The following CAMTA1 variants were observed in gnomAD, a reference collection of about 807,000 sequenced individuals.
The protein encoded by CAMTA1 is calmodulin binding transcription activator 1.
CAMTA1 carries 27 observed loss-of-function variants against 170.9 expected under a neutral mutation model. The ratio of observed to expected loss-of-function variants is 0.16; its 90% CI spans 0.12 to 0.22. The LOEUF is 0.22. Ranked by LOEUF, CAMTA1 falls within the 10% of genes least tolerant of loss-of-function variation. CAMTA1 has a pLI of 1.00. For synonymous variants in CAMTA1, 833 were observed against 891.5 expected (o/e 0.93, Z 1.17); for missense variants, 1,619 against 2,217.2 (o/e 0.73, Z 5.42).
chr1:7,603,383 T>TA (rs1448047158), intron 6 of CAMTA1, among the ~76,000 whole-genome samples: 1 of 152,162 alleles, frequency 6.6e-6, no homozygotes, highest in African/African-American at 2.4e-5. Context: ...TGGGTGCATA[T>TA]TATTTAGGAT....
chr1:7,583,334 T>C (rs1458070921), intron 6 of CAMTA1, among the ~76,000 whole-genome samples: 2 of 151,966 alleles, frequency 1.3e-5, no homozygotes, highest in African/African-American at 4.8e-5. Flanking sequence ...CCCTACACGA[T>C]GGGAAGTAAG....
chr1:7,455,652 C>T lies in CAMTA1; in HGVS notation c.439-12178C>T, dbSNP rs865971162. 6.6e-6 allele frequency among the ~76,000 whole-genome samples: 1 copy of T among 152,226 alleles called. No homozygotes were observed. The highest frequency in any genetic ancestry group is 1.5e-5 in the Non-Finnish European group (1 of 68,034). ...TGTTGGAGTGTGCCGTGGATACCTA[C>T]GTGGCGTCACAGGTGCCTAGAGCGG... On this transcript the variant is annotated intron_variant, in intron 5 of 22. Coordinates refer to ENST00000303635, the MANE Select transcript of CAMTA1 (RefSeq NM_015215.4). This position sits in a 1 kb window ranked among gnomAD's most constrained non-coding sequence, Gnocchi z 5.0.
chr1:7,295,916 C>T (rs903083826), intron 5 of CAMTA1, among the ~76,000 whole-genome samples: 1 of 152,222 alleles, frequency 6.6e-6, no homozygotes, highest in Non-Finnish European at 1.5e-5. Flanking sequence ...CCAGGCATAG[C>T]TCTGCTGATC....
intron 22 of CAMTA1, among the ~76,000 whole-genome samples, chr1:7,763,787 G>C (rs927576850): frequency 2.6e-5 from 4 of 152,184 alleles, no homozygotes; most frequent in African/African-American, 9.7e-5. Flanking sequence ...GAGAAAAATT[G>C]TGAATGTATA....
intron 6 of CAMTA1, among the ~76,000 whole-genome samples, chr1:7,543,981 A>T (rs1376339126): frequency 1.3e-5 from 2 of 152,184 alleles, no homozygotes; most frequent in South Asian, 2.1e-4. Flanking sequence ...TATTCTCAAA[A>T]TTCTTAATAG....
chr1:7,579,618 G>A (rs529857060), intron 6 of CAMTA1, among the ~76,000 whole-genome samples: 26 of 136,652 alleles, frequency 1.9e-4, no homozygotes, highest in Admixed American at 1.3e-3. Context: ...GAAGTGCAGT[G>A]GCACAATCTC....
At position 7,467,413 on chromosome 1, in the gene CAMTA1, G is replaced by A. The variant is rs80038479; in HGVS notation, c.439-417G>A. On this transcript the variant is annotated intron_variant, in intron 5 of 22. Coordinates refer to ENST00000303635, the MANE Select transcript of CAMTA1 (RefSeq NM_015215.4). ...AAGGTCTGTAGCATGTATGTTTCAT[G>A]TGTTTAATGAATTCTGTAACCATCA... 1.8e-4 allele frequency among the ~76,000 whole-genome samples: 27 copies of A among 152,348 alleles called. No homozygotes were observed. In the East Asian group the frequency reaches 5.2e-3, roughly 29 times the overall value.
rs70987364 is a variant in CAMTA1 at position 7,688,011 on chromosome 1, C to CTTTTTTTTTT, written c.2914+10286_2914+10295dup. 5.3e-3 allele frequency among the ~76,000 whole-genome samples: 544 copies of CTTTTTTTTTT among 103,182 alleles called. 30 individuals are homozygous for CTTTTTTTTTT. Among genetic ancestry groups the CTTTTTTTTTT allele is most frequent in the East Asian group, 0.016 (60 of 3,790 alleles). The allele number at this position is 103,182 out of a possible 152,430, so 67.7% of individuals were successfully genotyped here. On this transcript the variant is annotated intron_variant, in intron 11 of 22. Coordinates refer to ENST00000303635, the MANE Select transcript of CAMTA1 (RefSeq NM_015215.4). Reference sequence around the variant, plus strand: ...CGATTACGTCGGACTCTCATTATTCCTTTTTTTTTTTTTTTTTGGCAGAGT... The same window carrying CTTTTTTTTTT: ...CGATTACGTCGGACTCTCATTATTCCTTTTTTTTTTTTTTTTTTTTTTTTTTTGGCAGAGT...
chr1:7,687,152 A>C (rs963377706), intron 11 of CAMTA1, among the ~76,000 whole-genome samples: 1 of 151,860 alleles, frequency 6.6e-6, no homozygotes, highest in Non-Finnish European at 1.5e-5. Flanking sequence ...TCCGTGAAAC[A>C]GCACAGATGA....
intron 1 of CAMTA1, among the ~76,000 whole-genome samples, chr1:6,787,102 G>T (rs1218882157): frequency 6.6e-6 from 1 of 152,230 alleles, no homozygotes; most frequent in Non-Finnish European, 1.5e-5. Flanking sequence ...TTTTTTGAGA[G>T]AACTCATATC....
At chr1:7,269,326 A>G (rs943492775) in intron 5 of CAMTA1, among the ~76,000 whole-genome samples, 1 of 152,256 alleles carries the variant, frequency 6.6e-6, no homozygotes, top group Non-Finnish European at 1.5e-5. Flanking sequence ...TTACCTTGCT[A>G]TATGGACCTC....
intron 3 of CAMTA1, among the ~76,000 whole-genome samples, chr1:6,868,217 T>C (rs116418948): frequency 0.01 from 1,558 of 152,086 alleles, 24 homozygotes; most frequent in African/African-American, 0.036. Flanking sequence ...GTTAGTAGAA[T>C]GTGTAAAGTT....
intron 3 of CAMTA1, among the ~76,000 whole-genome samples, chr1:7,023,766 G>T (rs529636066): frequency 6.6e-6 from 1 of 152,136 alleles, no homozygotes; most frequent in Non-Finnish European, 1.5e-5. Context: ...GGTGGCTCAC[G>T]CCTGTAATCC....
chr1:7,101,785 A>G (rs1444994927), intron 4 of CAMTA1, among the ~76,000 whole-genome samples: 1 of 150,010 alleles, frequency 6.7e-6, no homozygotes, highest in Admixed American at 6.6e-5. Flanking sequence ...TTTGTAACAC[A>G]CAATACATGT....
intron 5 of CAMTA1, among the ~76,000 whole-genome samples, chr1:7,391,189 G>A (rs1444152997): frequency 1.3e-5 from 2 of 152,124 alleles, no homozygotes; most frequent in Non-Finnish European, 2.9e-5. Flanking sequence ...TAGAGATGGG[G>A]TTTCTCCATG....
chr1:6,854,309 T>C (rs1159996010), intron 3 of CAMTA1, among the ~76,000 whole-genome samples: 1 of 152,230 alleles, frequency 6.6e-6, no homozygotes, highest in African/African-American at 2.4e-5. Context: ...AGTACAATAA[T>C]ACGCAGATTC....
chr1:7,356,926 G>C (rs918678171), intron 5 of CAMTA1, among the ~76,000 whole-genome samples: 3 of 152,190 alleles, frequency 2.0e-5, no homozygotes, highest in Non-Finnish European at 4.4e-5. Context: ...TGGGCCCGTG[G>C]AAGCTGTGGT....
At chr1:7,199,095 G>C (rs1224026213) in intron 4 of CAMTA1, among the ~76,000 whole-genome samples, 1 of 152,136 alleles carries the variant, frequency 6.6e-6, no homozygotes, top group Non-Finnish European at 1.5e-5. Context: ...AGGTTTGCGC[G>C]GCACGTGGTG....
intron 6 of CAMTA1, among the ~76,000 whole-genome samples, chr1:7,554,526 C>T (rs1482345608): frequency 6.6e-6 from 1 of 152,216 alleles, no homozygotes; most frequent in South Asian, 2.1e-4. Flanking sequence ...CCTGGCCCTA[C>T]AGCTGTCAGC....
Sources: gnomAD v4.1 joint callset for allele counts (sites outside exome capture counted in the v4.1 genomes callset) on GRCh38, gnomAD v4.1.1 for gene constraint, Gnocchi (gnomAD v3.1) non-coding constraint, MANE v1.5 for transcripts, NCBI Gene and HGNC (gene_info 2026-07-23, HGNC 2026-07-21) for gene names.